Variants in CDK5RAP2 observed in about 807,000 individuals in gnomAD.
The protein encoded by CDK5RAP2 is CDK5 regulatory subunit associated protein 2.
Under a neutral mutation model 232.9 loss-of-function variants are expected in CDK5RAP2, and 147 were observed. The ratio of observed to expected loss-of-function variants is 0.63; its 90% CI spans 0.55 to 0.72. The LOEUF (loss-of-function observed/expected upper bound fraction) is 0.72, where lower values mean the gene tolerates loss of function less well. Among genes scored for constraint, CDK5RAP2 ranks in the 30% least tolerant of loss-of-function variants. The probability of loss-of-function intolerance (pLI) is 0.00; values close to 1 mark genes in which losing one functional copy is unlikely to be tolerated. For synonymous variants in CDK5RAP2, 833 were observed against 833.7 expected, an observed-to-expected ratio of 1.00 and a Z score of 0.01; for missense variants, 2,195 against 2,231.5, an observed-to-expected ratio of 0.98 and a Z score of 0.33.
At chr9:120,539,936 C>G (rs770704284) in intron 5 of CDK5RAP2, among the ~76,000 whole-genome samples, 5 of 152,200 alleles carry the variant, frequency 3.3e-5, no homozygotes, top group Non-Finnish European at 5.9e-5. Flanking sequence ...GCAACGAAGT[C>G]TATATACTTC....
At chr9:120,528,109 C>T (rs971001595) in intron 9 of CDK5RAP2, among the ~76,000 whole-genome samples, 184 bp from the exon 10 acceptor site, 2 of 152,176 alleles carry the variant, frequency 1.3e-5, no homozygotes, top group Non-Finnish European at 2.9e-5. Context: ...TTACCGCTCC[C>T]GGCAACAGGG....
At chr9:120,425,615 T>C (rs1322829037) in intron 25 of CDK5RAP2, among the ~76,000 whole-genome samples, 1 of 152,244 alleles carries the variant, frequency 6.6e-6, no homozygotes, top group Non-Finnish European at 1.5e-5. Context: ...CTCTCTGCAC[T>C]GATCCATTCT....
intron 23 of CDK5RAP2, among the ~76,000 whole-genome samples, chr9:120,443,007 T>A (rs917389204): frequency 6.6e-6 from 1 of 152,228 alleles, no homozygotes; most frequent in Non-Finnish European, 1.5e-5. Context: ...AGGCATTTGT[T>A]CATTCTGGTT....
intron 27 of CDK5RAP2, among the ~76,000 whole-genome samples, chr9:120,418,815 T>C (rs554127833): frequency 6.6e-6 from 1 of 152,220 alleles, no homozygotes; most frequent in African/African-American, 2.4e-5. Context: ...CTCCTCTGAG[T>C]CCTGAGTGTC....
At chr9:120,543,006 A>G (rs2041702152) in intron 5 of CDK5RAP2, among the ~76,000 whole-genome samples, 1 of 151,894 alleles carries the variant, frequency 6.6e-6, no homozygotes, top group Non-Finnish European at 1.5e-5. Context: ...AGCAAAAGCA[A>G]GAACATTTTA....
intron 10 of CDK5RAP2, among the ~76,000 whole-genome samples, chr9:120,525,606 G>A (rs569761794): frequency 6.6e-6 from 1 of 151,740 alleles, no homozygotes; most frequent in Non-Finnish European, 1.5e-5. Flanking sequence ...CCCCACATGT[G>A]ATACAATGTT....
At chr9:120,511,408 G>A (rs1020404893) in intron 12 of CDK5RAP2, among the ~76,000 whole-genome samples, 2 of 152,234 alleles carry the variant, frequency 1.3e-5, no homozygotes, top group African/African-American at 4.8e-5. Context: ...GAAACAGCTA[G>A]ATATAGTCCC....
At chr9:120,462,344 G>A (rs2037136397) in intron 18 of CDK5RAP2, among the ~76,000 whole-genome samples, 1 of 152,070 alleles carries the variant, frequency 6.6e-6, no homozygotes, top group East Asian at 1.9e-4. Context: ...AAACTTGTTG[G>A]TGGGAATATA....
intron 12 of CDK5RAP2, among the ~76,000 whole-genome samples, chr9:120,500,748 G>C (rs1463162473): frequency 6.6e-6 from 1 of 152,168 alleles, no homozygotes; most frequent in Non-Finnish European, 1.5e-5. Context: ...CCAGGGCAAG[G>C]TCTAGCTACC....
chr9:120,463,512 G>A (rs2037204698), intron 18 of CDK5RAP2, among the ~76,000 whole-genome samples: 2 of 152,160 alleles, frequency 1.3e-5, no homozygotes, highest in Non-Finnish European at 2.9e-5. Context: ...GCCCAGGAAA[G>A]GTCCCCAAAG....
chr9:120,455,570 A>C (rs888540559), intron 20 of CDK5RAP2, among the ~76,000 whole-genome samples: 55 of 151,838 alleles, frequency 3.6e-4, no homozygotes, highest in Admixed American at 1.8e-3. Flanking sequence ...GTGAAACCCT[A>C]TCTCTACAAA....
chr9:120,407,057 G>A lies in CDK5RAP2; in HGVS notation c.4918C>T (p.Gln1640Ter), dbSNP rs2033496539. 6.2e-7 allele frequency: 1 copy of A among 1,613,978 alleles called. No individual in the cohort carries two copies. Among genetic ancestry groups the A allele is most frequent in the Non-Finnish European group, 8.5e-7 (1 of 1,180,012 alleles). ...AQEGALTLAV[Q>*]AVSIPEVPLQ... ...GGCACCTCAGGGATGGACACGGCTT[G>A]GACAGCCAGAGTGAGGGCTCCTTCC... is the stretch of plus-strand genomic sequence containing the variant. The change falls in exon 32 of 38, where the codon CAA (glutamine) becomes TAA (stop). Residue 1640 changes from glutamine to a stop codon, truncating the protein, a stop_gained. Transcript: ENST00000349780. LOFTEE classifies it high-confidence loss of function.
intron 27 of CDK5RAP2, 79 bp downstream of exon 27, chr9:120,419,709 C>G: frequency 9.2e-7 from 1 of 1,087,608 alleles, no homozygotes; most frequent in South Asian, 1.2e-5. Context: ...TGTCACCACA[C>G]TCTGCTTACT....
intron 12 of CDK5RAP2, among the ~76,000 whole-genome samples, chr9:120,499,992 G>C (rs1207140081): frequency 6.6e-6 from 1 of 152,166 alleles, no homozygotes; most frequent in African/African-American, 2.4e-5. Flanking sequence ...AAGTTTAAGA[G>C]AATAAAGTCA....
chr9:120,525,255 T>C (rs1419815096), intron 10 of CDK5RAP2, among the ~76,000 whole-genome samples, 177 bp from the exon 11 acceptor site: 1 of 152,212 alleles, frequency 6.6e-6, no homozygotes, highest in Non-Finnish European at 1.5e-5. Context: ...TCAGGCAAGG[T>C]ACTTAACATC....
At chr9:120,468,367 T>G (rs1415389993) in intron 17 of CDK5RAP2, among the ~76,000 whole-genome samples, 1 of 152,210 alleles carries the variant, frequency 6.6e-6, no homozygotes, top group Non-Finnish European at 1.5e-5. Flanking sequence ...ACTATCTCTC[T>G]CTTGCACTTG....
chr9:120,530,021 C>A lies in CDK5RAP2; in HGVS notation c.782G>T (p.Gly261Val). Residue 261 changes from glycine to valine, a missense_variant, in exon 8 of 38, where the codon GGA becomes GTA. By Grantham distance (109) the Gly-to-Val change is moderately radical. Coordinates refer to ENST00000349780, the MANE Select transcript of CDK5RAP2 (RefSeq NM_018249.6). Reference sequence around the variant, plus strand: ...TTCTTCCCTTGGAGCAGCACAAAGTCCTCGGAGCTCTCCAGATGACACATT... The same window carrying A: ...TTCTTCCCTTGGAGCAGCACAAAGTACTCGGAGCTCTCCAGATGACACATT... Reference protein sequence around the residue: ...DENVSSGELRGLCAAPREEKE... With the variant: ...DENVSSGELRVLCAAPREEKE... The A allele has an allele frequency of 1.2e-6, 2 of 1,614,038 alleles. No individual in the cohort carries two copies. Among genetic ancestry groups the A allele is most frequent in the Non-Finnish European group, 1.7e-6 (2 of 1,179,928 alleles).
At chr9:120,455,041 A>C (rs1411332056) in intron 20 of CDK5RAP2, among the ~76,000 whole-genome samples, 1 of 152,200 alleles carries the variant, frequency 6.6e-6, no homozygotes, top group African/African-American at 2.4e-5. Context: ...GGAGTAACTC[A>C]AGAAGAGCCC....
chr9:120,543,167 T>G (rs2041708372), intron 5 of CDK5RAP2, among the ~76,000 whole-genome samples: 1 of 152,212 alleles, frequency 6.6e-6, no homozygotes, highest in Admixed American at 6.5e-5. Flanking sequence ...CAAAGCCTGT[T>G]GATTCTGCTT....
Sources: gnomAD v4.1 joint callset for allele counts (sites outside exome capture counted in the v4.1 genomes callset) on GRCh38, gnomAD v4.1.1 for gene constraint, MANE v1.5 for transcripts, NCBI Gene and HGNC (gene_info 2026-07-23, HGNC 2026-07-21) for gene names.